The following KHDRBS3 variants were observed in gnomAD, a reference collection of about 807,000 sequenced individuals.
KHDRBS3 encodes the protein KH domain-containing, RNA-binding, signal transduction-associated protein 3.
Under a neutral mutation model 45.6 loss-of-function variants are expected in KHDRBS3, and 23 were observed. The ratio of observed to expected loss-of-function variants is 0.50; its 90% CI spans 0.36 to 0.72. The LOEUF is 0.72. Among genes scored for constraint, KHDRBS3 ranks in the 30% least tolerant of loss-of-function variants. The pLI, the probability that KHDRBS3 is intolerant of heterozygous loss-of-function variation, is 0.00. For missense variants in KHDRBS3, 352 were observed against 424.8 expected, an observed-to-expected ratio of 0.83 and a Z score of 1.51; for synonymous variants, 162 against 156.5, an observed-to-expected ratio of 1.04 and a Z score of -0.26.
chr8:135,632,871 C>G (rs888533620), intron 7 of KHDRBS3, among the ~76,000 whole-genome samples: 1 of 152,076 alleles, frequency 6.6e-6, no homozygotes, highest in African/African-American at 2.4e-5. Flanking sequence ...GAATGTGTCC[C>G]CTGAAGAACT....
At chr8:135,560,533 C>T (rs1203140935) in intron 5 of KHDRBS3, among the ~76,000 whole-genome samples, 1 of 152,044 alleles carries the variant, frequency 6.6e-6, no homozygotes, top group Non-Finnish European at 1.5e-5. Context: ...CTAGATCTGC[C>T]ATTTTTACTG....
At chr8:135,598,135 G>A (rs752842564) in intron 6 of KHDRBS3, among the ~76,000 whole-genome samples, 1 of 152,126 alleles carries the variant, frequency 6.6e-6, no homozygotes, top group Non-Finnish European at 1.5e-5. Context: ...ATTGCAGGAT[G>A]GAAATGTAGA....
chr8:135,463,953 C>G (rs1327681188), intron 1 of KHDRBS3, among the ~76,000 whole-genome samples: 1 of 152,198 alleles, frequency 6.6e-6, no homozygotes, highest in Admixed American at 6.5e-5. Flanking sequence ...TGCATTCTCT[C>G]CCATCCCCGC....
At chr8:135,582,887 C>T (rs2130929160) in intron 6 of KHDRBS3, among the ~76,000 whole-genome samples, 1 of 152,214 alleles carries the variant, frequency 6.6e-6, no homozygotes, top group Non-Finnish European at 1.5e-5. Context: ...TGCAATAATC[C>T]CCTGGGCCTC....
At chr8:135,570,152 G>T (rs1180211569) in intron 5 of KHDRBS3, among the ~76,000 whole-genome samples, 1 of 151,794 alleles carries the variant, frequency 6.6e-6, no homozygotes, top group Non-Finnish European at 1.5e-5. Flanking sequence ...CACATTTTAG[G>T]AATTTAATAT....
chr8:135,653,140 T>C (rs1016570466), intron 4 of KHDRBS3, among the ~76,000 whole-genome samples: 1 of 152,194 alleles, frequency 6.6e-6, no homozygotes, highest in Non-Finnish European at 1.5e-5. Flanking sequence ...AACAAACAGG[T>C]ACCATTGTGA....
rs147799457 is a variant in KHDRBS3, at chr8:135,569,465, A to G, written c.611+11878A>G. ...CGACCAGGTAAGAGGTTTTAAATTAAGTAGCAACATCAAATTCACCAGGAG... is the reference window on the plus strand; with the variant it reads ...CGACCAGGTAAGAGGTTTTAAATTAGGTAGCAACATCAAATTCACCAGGAG... On this transcript the variant is annotated intron_variant, in intron 5 of 8. Transcript: ENST00000355849. Among the ~76,000 whole-genome samples the G allele has an allele frequency of 2.9e-3, 446 of 152,312 alleles. 3 individuals are homozygous for G. Among genetic ancestry groups the G allele is most frequent in the African/African-American group, 0.01 (417 of 41,574 alleles).
At chr8:135,520,729 G>C (rs1455588932) in intron 1 of KHDRBS3, among the ~76,000 whole-genome samples, 1 of 152,190 alleles carries the variant, frequency 6.6e-6, no homozygotes, top group African/African-American at 2.4e-5. Context: ...TTAGCATATA[G>C]TTGATATGTG....
chr8:135,652,707 C>A (rs1233851837), intron 4 of KHDRBS3, among the ~76,000 whole-genome samples: 6 of 152,356 alleles, frequency 3.9e-5, no homozygotes, highest in African/African-American at 1.4e-4. Flanking sequence ...ACCCTGGAGG[C>A]CCTCCCTAGC....
At chr8:135,559,187 A>G (rs914468340) in intron 5 of KHDRBS3, among the ~76,000 whole-genome samples, 3 of 152,106 alleles carry the variant, frequency 2.0e-5, no homozygotes, top group Non-Finnish European at 4.4e-5. Flanking sequence ...TTCTTTTTCT[A>G]GATAAGGTAA....
intron 6 of KHDRBS3, among the ~76,000 whole-genome samples, chr8:135,605,149 T>G (rs1170137558): frequency 6.6e-6 from 1 of 152,108 alleles, no homozygotes; most frequent in Non-Finnish European, 1.5e-5. Flanking sequence ...TTATTGAGCT[T>G]CTTGGATGTG....
chr8:135,497,038 C>T (rs1229869106), intron 1 of KHDRBS3, among the ~76,000 whole-genome samples: 2 of 152,226 alleles, frequency 1.3e-5, no homozygotes, highest in East Asian at 3.9e-4. Context: ...TTGGTTCAGT[C>T]AGTCAGTAAA....
intron 7 of KHDRBS3, among the ~76,000 whole-genome samples, chr8:135,631,931 T>C (rs1342018914): frequency 6.6e-6 from 1 of 152,196 alleles, no homozygotes; most frequent in East Asian, 1.9e-4. Context: ...AAGTAATGCA[T>C]TGCGCTATGA....
At chr8:135,562,316 A>G (rs890009793) in intron 5 of KHDRBS3, among the ~76,000 whole-genome samples, 1 of 152,200 alleles carries the variant, frequency 6.6e-6, no homozygotes, top group Non-Finnish European at 1.5e-5. Flanking sequence ...AACACCTATC[A>G]TTGTGTTATA....
chr8:135,621,144 G>A (rs563930702), intron 7 of KHDRBS3, among the ~76,000 whole-genome samples: 120 of 140,468 alleles, frequency 8.5e-4, no homozygotes, highest in African/African-American at 3.0e-3. Context: ...AAGGGGGGGA[G>A]GATGGGAGGG....
At chr8:135,470,033 A>G (rs1010577187) in intron 1 of KHDRBS3, among the ~76,000 whole-genome samples, 6 of 152,360 alleles carry the variant, frequency 3.9e-5, no homozygotes, top group Middle Eastern at 3.4e-3. Context: ...CAAAAATTCA[A>G]AAGTCGATTT....
chr8:135,524,405 A>G (rs767332878), intron 2 of KHDRBS3, among the ~76,000 whole-genome samples: 11 of 152,194 alleles, frequency 7.2e-5, no homozygotes, highest in Admixed American at 3.9e-4. Flanking sequence ...ATTTTCTCAG[A>G]GAACATATAT....
chr8:135,528,423 G>C (rs928001750), intron 2 of KHDRBS3, among the ~76,000 whole-genome samples: 15 of 152,168 alleles, frequency 9.9e-5, no homozygotes, highest in Non-Finnish European at 1.8e-4. Context: ...TCCTAGGATA[G>C]GGAATATTTT....
intron 1 of KHDRBS3, among the ~76,000 whole-genome samples, chr8:135,473,334 A>G (rs113693074): frequency 1.2e-4 from 19 of 152,080 alleles, no homozygotes; most frequent in African/African-American, 3.9e-4. Flanking sequence ...CTTCCCATCC[A>G]CACCAGCACA....
Sources: gnomAD v4.1 joint callset for allele counts (sites outside exome capture counted in the v4.1 genomes callset) on GRCh38, gnomAD v4.1.1 for gene constraint, MANE v1.5 for transcripts, NCBI Gene and HGNC (gene_info 2026-07-23, HGNC 2026-07-21) for gene names.